The following SPAG1 variants were observed in gnomAD, a reference collection of about 807,000 sequenced individuals.
SPAG1 encodes the protein sperm-associated antigen 1.
Under a neutral mutation model 100.5 loss-of-function variants are expected in SPAG1, and 69 were observed. The observed-to-expected ratio is 0.69, with a 90% CI of 0.57 to 0.84. The LOEUF is 0.84. SPAG1 is among the 40% of genes least tolerant of loss of function. SPAG1 has a pLI of 0.00. For missense variants in SPAG1, 955 were observed against 1,133.1 expected, an observed-to-expected ratio of 0.84 and a Z score of 2.26; for synonymous variants, 336 against 411.6, an observed-to-expected ratio of 0.82 and a Z score of 2.22.
At chr8:100,159,946 TA>T (rs1815232984) in intron 1 of SPAG1, among the ~76,000 whole-genome samples, 1 of 152,132 alleles carries the variant, frequency 6.6e-6, no homozygotes, top group Non-Finnish European at 1.5e-5. Flanking sequence ...TTTTGAAGAT[TA>T]GGTGAGATAA....
intron 9 of SPAG1, among the ~76,000 whole-genome samples, chr8:100,192,831 C>A (rs1251086718): frequency 6.6e-6 from 1 of 152,146 alleles, no homozygotes; most frequent in African/African-American, 2.4e-5. Flanking sequence ...CTCAAGCAAT[C>A]CTGCCATCTC....
chr8:100,160,456 A>G (rs1297183203), intron 1 of SPAG1, among the ~76,000 whole-genome samples: 3 of 152,062 alleles, frequency 2.0e-5, no homozygotes, highest in Admixed American at 2.0e-4. Context: ...GTGAAACCCC[A>G]TCTCTACTAA....
chr8:100,173,248 G>A (rs553380637), intron 3 of SPAG1, among the ~76,000 whole-genome samples: 1 of 151,714 alleles, frequency 6.6e-6, no homozygotes, highest in Non-Finnish European at 1.5e-5. Flanking sequence ...GTCCAGGCTG[G>A]TCTAGAACTC....
In SPAG1 at chr8:100,193,990, C is replaced by CA. The variant is rs138374520; in HGVS notation, c.940-114dup. On this transcript the variant is annotated intron_variant, in intron 9 of 18. Coordinates refer to ENST00000388798, the MANE Select transcript of SPAG1 (RefSeq NM_003114.5). ...ATCTATGATTACAATCAAAGGCCAC[C>CA]AAAAAAAAGCCTTGTCTTAGTTGTA... 0.17 allele frequency: 143,702 copies of CA among 828,768 alleles called. 12,382 individuals carry two copies. The highest frequency in any genetic ancestry group is 0.23 in the Middle Eastern group (566 of 2,438). 51.3% of individuals were successfully genotyped at this position (828,768 alleles called of 1,614,324 possible).
chr8:100,213,235 G>T lies in SPAG1; in HGVS notation c.1242G>T (p.Ala414=). 7.4e-7 allele frequency: 1 copy of T among 1,346,954 alleles called. No individual in the cohort carries two copies. Among genetic ancestry groups the T allele is most frequent in the Non-Finnish European group, 9.5e-7 (1 of 1,051,198 alleles). The allele number at this position is 1,346,954 out of a possible 1,614,324, so 83.4% of individuals were successfully genotyped here. The change falls in exon 11 of 19, where the codon GCG becomes GCT. Residue 414 remains alanine (A), a synonymous_variant. Transcript: ENST00000388798. ...GGGGCCAGACCCCGGAGGCCGGCGC[G>T]GACAAGCGGAGCCCACGGCGGGCCT... ...PQRGQTPEAG[A]DKRSPRRASA...
intron 8 of SPAG1, 143 bp downstream of exon 8, chr8:100,187,393 C>T (rs1184269961): frequency 1.8e-6 from 1 of 563,226 alleles, no homozygotes; most frequent in Admixed American, 4.1e-5. Flanking sequence ...CATAAAGTTG[C>T]TTTTAAATTG....
At chr8:100,200,789 G>C (rs987752788) in intron 10 of SPAG1, among the ~76,000 whole-genome samples, 3 of 133,450 alleles carry the variant, frequency 2.2e-5, no homozygotes, top group East Asian at 2.6e-4. Context: ...CTTTTTGATG[G>C]GGTTGTTTGT....
At position 100,213,859 on chromosome 8, in the gene SPAG1, T is replaced by C. The variant is rs377184852; in HGVS notation, c.1476T>C (p.Asn492=). 4.4e-5 allele frequency: 71 copies of C among 1,604,570 alleles called. 1 individual carries two copies. The Admixed American group carries it at 4.7e-4, about 11-fold the overall frequency. The change falls in exon 12 of 19, where the codon AAT becomes AAC. Residue 492 remains asparagine (N), a synonymous_variant. Transcript: ENST00000388798. ...IADDLSILYS[N]RAACYLKEGN... is the part of the protein sequence containing the mutation. The stretch of plus-strand genomic sequence containing the variant: ...ATGATCTAAGTATCTTATATTCAAA[T>C]AGAGCAGCATGTTACCTAAAAGAAG...
intron 2 of SPAG1, among the ~76,000 whole-genome samples, chr8:100,163,042 C>T (rs1253426238): frequency 1.1e-4 from 16 of 152,110 alleles, no homozygotes; most frequent in Admixed American, 1.0e-3. Context: ...GGCACTTTCC[C>T]ACTTCATATC....
At chr8:100,170,151 T>C (rs558792668) in intron 3 of SPAG1, among the ~76,000 whole-genome samples, 93 of 152,338 alleles carry the variant, frequency 6.1e-4, no homozygotes, top group African/African-American at 2.2e-3. Context: ...CATCTTAATA[T>C]TGAGGTTTCG....
intron 7 of SPAG1, 129 bp from the exon 8 acceptor site, chr8:100,186,991 G>A (rs1407988475): frequency 9.6e-6 from 7 of 732,402 alleles, no homozygotes; most frequent in East Asian, 6.2e-5. Context: ...TTCAACATAC[G>A]AATGTTGGGG....
chr8:100,191,552 A>C, intron 9 of SPAG1, 56 bp downstream of exon 9: 1 of 1,203,444 alleles, frequency 8.3e-7, no homozygotes, highest in East Asian at 2.4e-5. Flanking sequence ...TTCTGTATTT[A>C]TTTTAAAGTG....
intron 9 of SPAG1, 132 bp from the exon 10 acceptor site, chr8:100,193,980 C>G (rs1816922068): frequency 4.2e-6 from 3 of 714,074 alleles, no homozygotes; most frequent in Non-Finnish European, 6.2e-6. Flanking sequence ...TGATTACAAT[C>G]AAAGGCCACC....
At chr8:100,190,423 C>T (rs1816764718) in intron 8 of SPAG1, among the ~76,000 whole-genome samples, 1 of 151,814 alleles carries the variant, frequency 6.6e-6, no homozygotes, top group Admixed American at 6.6e-5. Context: ...AATGATGAGT[C>T]TAGAGAGGCA....
At chr8:100,183,487 C>T in intron 5 of SPAG1, 51 bp downstream of exon 5, 1 of 797,044 alleles carries the variant, frequency 1.3e-6, no homozygotes, top group Non-Finnish European at 2.1e-6. Flanking sequence ...AAGTTATCTA[C>T]CACAAAATAC....
At chr8:100,164,976 T>C (rs1815484003) in intron 2 of SPAG1, among the ~76,000 whole-genome samples, 3 of 152,182 alleles carry the variant, frequency 2.0e-5, no homozygotes, top group African/African-American at 7.2e-5. Flanking sequence ...GGAGAATCCA[T>C]TCACCCCAAA....
chr8:100,236,941 T>G (rs1022339236), intron 16 of SPAG1, among the ~76,000 whole-genome samples: 4 of 152,192 alleles, frequency 2.6e-5, no homozygotes, highest in African/African-American at 9.7e-5. Context: ...GCTTTTATGG[T>G]TTCAGCAAAA....
chr8:100,236,050 T>C (rs777357958), intron 16 of SPAG1, among the ~76,000 whole-genome samples: 10 of 152,242 alleles, frequency 6.6e-5, no homozygotes, highest in South Asian at 2.1e-4. Flanking sequence ...CCTGACTTTC[T>C]GAACCTGGTG....
chr8:100,201,374 C>T (rs1437045703), intron 10 of SPAG1, among the ~76,000 whole-genome samples: 2 of 152,156 alleles, frequency 1.3e-5, no homozygotes, highest in Non-Finnish European at 2.9e-5. Flanking sequence ...ATTCTCCCAC[C>T]TCAGCCTCCC....
Sources: allele counts gnomAD v4.1 joint callset (sites outside exome capture counted in the v4.1 genomes callset), GRCh38; gene constraint gnomAD v4.1.1; transcripts MANE v1.5; gene names NCBI Gene and HGNC (gene_info 2026-07-23, HGNC 2026-07-21).